The following JADE2 variants were observed in gnomAD, a reference collection of about 807,000 sequenced individuals.
JADE2 encodes E3 ubiquitin-protein ligase Jade-2.
Under a neutral mutation model 85.7 loss-of-function variants are expected in JADE2, and 13 were observed. The ratio of observed to expected loss-of-function variants is 0.15; its 90% confidence interval spans 0.10 to 0.24. The LOEUF is 0.24. JADE2 is among the 10% of genes least tolerant of loss of function. The pLI, the probability that JADE2 is intolerant of heterozygous loss-of-function variation, is 1.00. For synonymous variants in JADE2, 440 were observed against 456.1 expected (o/e 0.96, Z 0.45); for missense variants, 846 against 1,115.9 (o/e 0.76, Z 3.45).
At position 134,573,733 on chromosome 5, in the gene JADE2, T is replaced by A. The variant is rs764453447; in HGVS notation, c.1523T>A (p.Met508Lys). 6.2e-7 allele frequency: 1 copy of A among 1,612,460 alleles called. No homozygotes were observed. Among genetic ancestry groups the A allele is most frequent in the Non-Finnish European group, 8.5e-7 (1 of 1,178,428 alleles). Residue 508 changes from methionine (M) to lysine (K), a missense_variant, in exon 10 of 12, where the codon ATG becomes AAG. Around this residue, in one of 9 missense-constraint regions of JADE2, gnomAD observed 119 missense variants for 163.9 expected, o/e 0.73. Transcript: ENST00000681547. ...KLQEQIFHLQ[M>K]KLIEQDLCRE... Reference sequence around the variant, plus strand: ...CAGGAGCAGATATTCCACCTGCAGATGAAACTTATTGAACAGGATCTGTGT... The same window carrying A: ...CAGGAGCAGATATTCCACCTGCAGAAGAAACTTATTGAACAGGATCTGTGT...
chr5:134,526,171 GA>G (rs915704803), intron 1 of JADE2, 160 bp downstream of exon 1: 31 of 985,432 alleles, frequency 3.1e-5, no homozygotes, highest in African/African-American at 3.0e-4. Flanking sequence ...CCAGCGCGGA[GA>G]GGGGGGGGAT....
chr5:134,537,903 T>C (rs1455750985), intron 2 of JADE2, 86 bp from the exon 3 acceptor site: 7 of 979,788 alleles, frequency 7.1e-6, no homozygotes, highest in Non-Finnish European at 1.1e-5. Flanking sequence ...AGCCGGGGCT[T>C]TGCTTAGAAG....
At position 134,582,397 on chromosome 5, in the gene JADE2, G is replaced by T. The variant is rs1018834529; in HGVS notation, c.*3080G>T. Reference sequence around the variant, plus strand: ...GTGCCAGGCCACGTCTCGTGTGTCCGTATGCAGGCATGCCTGTGTATACTG... The same window carrying T: ...GTGCCAGGCCACGTCTCGTGTGTCCTTATGCAGGCATGCCTGTGTATACTG... On this transcript the variant is annotated 3_prime_UTR_variant, in exon 12 of 12. Coordinates refer to ENST00000681547, the MANE Select transcript of JADE2 (RefSeq NM_001388185.1). 3 of 145,168 alleles carry T rather than the reference G, an allele frequency of 2.1e-5. No homozygotes were observed. Among genetic ancestry groups the T allele is most frequent in the African/African-American group, 5.2e-5 (2 of 38,666 alleles). 9.0% of individuals were successfully genotyped at this position (145,168 alleles called of 1,614,324 possible).
chr5:134,549,998 G>T (rs1242808957), intron 3 of JADE2, among the ~76,000 whole-genome samples: 2 of 152,210 alleles, frequency 1.3e-5, no homozygotes, highest in Non-Finnish European at 2.9e-5. Flanking sequence ...GCCTTCGCTG[G>T]CACAGGCCCC....
rs753147789 is a variant in JADE2 at position 134,566,510 on chromosome 5, C to G, written c.1364C>G (p.Ala455Gly). 6.2e-7 allele frequency: 1 copy of G among 1,607,718 alleles called. No homozygotes were observed. The change falls in exon 9 of 12, where the codon GCC becomes GGC. Residue 455 changes from alanine to glycine, a missense_variant. Coordinates refer to ENST00000681547, the MANE Select transcript of JADE2 (RefSeq NM_001388185.1). The surrounding 1 kb of genome is among the most constrained non-coding windows in gnomAD (Gnocchi z 6.7). ...AAGACCGACGAGGTGGACAACCTGG[C>G]CCAGCAGGAGCAGGACGTCCTCTAC... Reference protein sequence around the residue: ...TPKTDEVDNLAQQEQDVLYRR... With the variant: ...TPKTDEVDNLGQQEQDVLYRR...
At chr5:134,539,340 G>C (rs1761824876) in intron 3 of JADE2, among the ~76,000 whole-genome samples, 1 of 152,178 alleles carries the variant, frequency 6.6e-6, no homozygotes, top group South Asian at 2.1e-4. Context: ...TGGGATTACA[G>C]GCATGAGCCA....
At chr5:134,570,635 G>A (rs570504816) in intron 9 of JADE2, among the ~76,000 whole-genome samples, 9 of 152,174 alleles carry the variant, frequency 5.9e-5, no homozygotes, top group South Asian at 4.2e-4. Context: ...TCCATCCCCC[G>A]ATCCTCTCAG....
At chr5:134,565,321 T>C (rs552299169) in intron 8 of JADE2, among the ~76,000 whole-genome samples, 1 of 152,318 alleles carries the variant, frequency 6.6e-6, no homozygotes, top group South Asian at 2.1e-4. Flanking sequence ...GCATCAGCAG[T>C]CATAATAGTT....
At chr5:134,573,542 C>A (rs971721619) in intron 9 of JADE2, 103 bp from the exon 10 acceptor site, 5 of 800,120 alleles carry the variant, frequency 6.2e-6, no homozygotes, top group Non-Finnish European at 1.1e-5. Flanking sequence ...TGGCGGTAGC[C>A]TGTGCCCCTG....
At chr5:134,547,555 T>C (rs539635750) in intron 3 of JADE2, among the ~76,000 whole-genome samples, 115 of 152,362 alleles carry the variant, frequency 7.5e-4, no homozygotes, top group Non-Finnish European at 1.5e-3. Flanking sequence ...CATAAATCAT[T>C]CAAAGGAGTT....
chr5:134,548,645 T>C (rs1324675534), intron 3 of JADE2, among the ~76,000 whole-genome samples: 1 of 152,230 alleles, frequency 6.6e-6, no homozygotes, highest in Non-Finnish European at 1.5e-5. Flanking sequence ...CTCTTTTGTC[T>C]TCCCACAATC....
chr5:134,578,614 G>C lies in JADE2; in HGVS notation c.1802G>C (p.Arg601Pro), dbSNP rs202240384. ...GAGTGGCCACTGAACAATGGGCACCGCGAGGACCCTGCTCCAGGGCTGCTG... is the reference window on the plus strand; with the variant it reads ...GAGTGGCCACTGAACAATGGGCACCCCGAGGACCCTGCTCCAGGGCTGCTG... ...MSEWPLNNGHREDPAPGLLSE... is the reference protein window; with the variant it reads ...MSEWPLNNGHPEDPAPGLLSE... The change falls in exon 12 of 12, where the codon CGC (arginine) becomes CCC (proline). Residue 601 changes from arginine to proline, a missense_variant. Arg to Pro is a moderately radical substitution (Grantham distance 103, BLOSUM62 -2). Transcript: ENST00000681547. The surrounding 1 kb of genome is among the most constrained non-coding windows in gnomAD (Gnocchi z 4.4). 3.7e-6 allele frequency: 6 copies of C among 1,614,154 alleles called. No homozygotes were observed. Among genetic ancestry groups the C allele is most frequent in the Middle Eastern group, 1.6e-4 (1 of 6,062 alleles).
chr5:134,538,500 G>A (rs1761744582), intron 3 of JADE2, among the ~76,000 whole-genome samples: 4 of 152,206 alleles, frequency 2.6e-5, no homozygotes, highest in Admixed American at 2.6e-4. Context: ...TGCTGGTGCA[G>A]GGATAAGGGG....
intron 1 of JADE2, among the ~76,000 whole-genome samples, chr5:134,531,417 G>A (rs2149856478): frequency 6.6e-6 from 1 of 152,210 alleles, no homozygotes. Flanking sequence ...GATATGATCT[G>A]ATTTATGCCT....
intron 1 of JADE2, chr5:134,533,721 T>G (rs954495407): frequency 6.9e-5 from 13 of 189,168 alleles, no homozygotes; most frequent in Non-Finnish European, 1.2e-4. Context: ...TCAGTCAGCC[T>G]TTGTCACACT....
chr5:134,557,524 T>TCC (rs1023038765), intron 4 of JADE2, among the ~76,000 whole-genome samples: 1 of 92,544 alleles, frequency 1.1e-5, no homozygotes. Context: ...ATGCTATCCC[T>TCC]CCCCCCTCCC....
chr5:134,566,359 T>C lies in JADE2; in HGVS notation c.1213T>C (p.Tyr405His). 6.2e-7 allele frequency: 1 copy of C among 1,613,952 alleles called. No individual in the cohort carries two copies. The highest frequency in any genetic ancestry group is 8.5e-7 in the Non-Finnish European group (1 of 1,180,000). ...GCTGCAGCAGCTAGAGGAGGACTTC[T>C]ACGAGCTGGTGGAGCCGGCTGAGGT... Reference protein sequence around the residue: ...QRLQQLEEDFYELVEPAEVAE... With the variant: ...QRLQQLEEDFHELVEPAEVAE... The change falls in exon 9 of 12, where the codon TAC becomes CAC. Residue 405 changes from tyrosine (Y) to histidine (H), a missense_variant. Physicochemically the swap from Tyr to His is moderately conservative, Grantham distance 83 (BLOSUM62 2). This residue lies in a region of JADE2 where 88 missense variants were observed against 140.6 expected (regional missense o/e 0.63). Transcript: ENST00000681547. This position sits in a 1 kb window ranked among gnomAD's most constrained non-coding sequence, Gnocchi z 6.7.
intron 5 of JADE2, 122 bp downstream of exon 5, chr5:134,560,112 A>C (rs1347386170): frequency 2.7e-6 from 3 of 1,109,900 alleles, no homozygotes; most frequent in Non-Finnish European, 3.9e-6. Flanking sequence ...GGGAGTCTCC[A>C]TACTGCATTA....
intron 7 of JADE2, 74 bp from the exon 8 acceptor site, chr5:134,564,420 A>C: frequency 2.1e-6 from 2 of 968,308 alleles, no homozygotes. Context: ...TCAGCAGACA[A>C]ACCCCCATTT....
Sources: gnomAD v4.1 joint callset for allele counts (sites outside exome capture counted in the v4.1 genomes callset) on GRCh38, gnomAD v4.1.1 for gene constraint, gnomAD v4.1.1 regional missense constraint, Gnocchi (gnomAD v3.1) non-coding constraint, MANE v1.5 for transcripts, NCBI Gene and HGNC (gene_info 2026-07-23, HGNC 2026-07-21) for gene names.